The following NRXN3 variants were observed in gnomAD, a reference collection of about 807,000 sequenced individuals.
The protein encoded by NRXN3 is neurexin 3, also known as neurexin III.
In NRXN3, 32 loss-of-function variants were observed where a neutral mutation model predicts 137.6. The ratio of observed to expected loss-of-function variants is 0.23; its 90% confidence interval spans 0.18 to 0.31. The LOEUF is 0.31. Among genes scored for constraint, NRXN3 ranks in the 10% least tolerant of loss-of-function variants. NRXN3 has a pLI of 1.00. For missense variants in NRXN3, 1,574 were observed against 2,062.5 expected, an observed-to-expected ratio of 0.76 and a Z score of 4.59; for synonymous variants, 798 against 784.5, an observed-to-expected ratio of 1.02 and a Z score of -0.29.
chr14:78,725,304 A>T (rs1375237751), intron 8 of NRXN3, among the ~76,000 whole-genome samples: 3 of 152,218 alleles, frequency 2.0e-5, no homozygotes, highest in East Asian at 3.9e-4. Context: ...CACATTGTTT[A>T]TCTCCATCAG....
chr14:78,951,857 C>T (rs556740510), intron 10 of NRXN3, among the ~76,000 whole-genome samples: 34 of 152,112 alleles, frequency 2.2e-4, no homozygotes, highest in African/African-American at 7.7e-4. Flanking sequence ...CTATTAATAC[C>T]CTGGGAGGCT....
In NRXN3 at chr14:79,418,974, T is replaced by C. The variant is rs1010991565; in HGVS notation, c.3263-48247T>C. Among the ~76,000 whole-genome samples the C allele has an allele frequency of 3.3e-5, 5 of 152,124 alleles. No individual in the cohort carries two copies. The East Asian group carries it at 9.7e-4, about 29-fold the overall frequency. On this transcript the variant is annotated intron_variant, in intron 15 of 20. Coordinates refer to ENST00000335750, the MANE Select transcript of NRXN3 (RefSeq NM_001330195.2). The stretch of plus-strand genomic sequence containing the variant: ...CAAAAAAGAAACAAGAAGTATAAAG[T>C]CATTGAGAAGATTGTCTGCAGTAGG...
intron 15 of NRXN3, among the ~76,000 whole-genome samples, chr14:79,194,359 C>T (rs566284885): frequency 3.3e-5 from 5 of 152,306 alleles, no homozygotes; most frequent in African/African-American, 1.2e-4. Context: ...CTAAATTGTA[C>T]AGCTGACTGT....
intron 18 of NRXN3, among the ~76,000 whole-genome samples, chr14:79,692,632 T>A (rs2098720706): frequency 6.6e-6 from 1 of 152,040 alleles, no homozygotes; most frequent in African/African-American, 2.4e-5. Flanking sequence ...CCAAAAGGGC[T>A]TTTTAAACTT....
chr14:78,900,668 C>CT (rs967031795), intron 10 of NRXN3, among the ~76,000 whole-genome samples: 5 of 151,868 alleles, frequency 3.3e-5, no homozygotes, highest in African/African-American at 1.2e-4. Flanking sequence ...TACAGATGCC[C>CT]TTCACTTTAA....
intron 10 of NRXN3, among the ~76,000 whole-genome samples, chr14:78,864,565 A>G (rs2099081586): frequency 6.6e-6 from 1 of 152,182 alleles, no homozygotes; most frequent in African/African-American, 2.4e-5. Flanking sequence ...ACAAGTATAT[A>G]GGAGATAAAA....
At position 78,171,896 on chromosome 14, in the gene NRXN3, C is replaced by CT. The variant is rs144209355; in HGVS notation, c.-704+1232dup. On this transcript the variant is annotated intron_variant, in intron 1 of 20. Coordinates refer to ENST00000335750, the MANE Select transcript of NRXN3 (RefSeq NM_001330195.2). ...TCTTCTCTGATCTTTATTGTTAATACTTTTTTTTTTAATGCAAAGGTCAGA... is the reference window on the plus strand; with the variant it reads ...TCTTCTCTGATCTTTATTGTTAATACTTTTTTTTTTTAATGCAAAGGTCAGA... Among the ~76,000 whole-genome samples, 927 of 148,162 alleles carry CT rather than the reference C, an allele frequency of 6.3e-3. 5 individuals carry two copies. Among genetic ancestry groups the CT allele is most frequent in the Middle Eastern group, 0.029 (8 of 280 alleles).
rs77242130 is a variant in NRXN3 at position 78,275,332 on chromosome 14, T to C, written c.710-3313T>C. On this transcript the variant is annotated intron_variant, in intron 2 of 20. Coordinates refer to ENST00000335750, the MANE Select transcript of NRXN3 (RefSeq NM_001330195.2). ...CTATGATAGATGCTCGGCCAATAGG[T>C]ATTGAATGGTGAATAGATGATCTTC... Among the ~76,000 whole-genome samples the C allele has an allele frequency of 8.0e-3, 1,217 of 152,252 alleles. 11 individuals carry two copies. Among genetic ancestry groups the C allele is most frequent in the African/African-American group, 0.028 (1,148 of 41,542 alleles).
At chr14:78,711,975 T>C (rs1312303642) in intron 7 of NRXN3, among the ~76,000 whole-genome samples, 1 of 152,186 alleles carries the variant, frequency 6.6e-6, no homozygotes, top group Non-Finnish European at 1.5e-5. Flanking sequence ...CCTGATAATC[T>C]TGAAGAATAA....
At chr14:78,301,771 G>GC (rs2076899845) in intron 4 of NRXN3, among the ~76,000 whole-genome samples, 1 of 152,164 alleles carries the variant, frequency 6.6e-6, no homozygotes, top group African/African-American at 2.4e-5. Flanking sequence ...GATGGCTATC[G>GC]CTTATTTGAG....
chr14:78,616,284 A>G (rs1281357163), intron 4 of NRXN3, among the ~76,000 whole-genome samples: 1 of 152,174 alleles, frequency 6.6e-6, no homozygotes, highest in African/African-American at 2.4e-5. Context: ...ACTTCCTCTT[A>G]CACTGCTCTC....
At chr14:79,493,083 C>A (rs909206056) in intron 16 of NRXN3, among the ~76,000 whole-genome samples, 1 of 152,122 alleles carries the variant, frequency 6.6e-6, no homozygotes, top group Non-Finnish European at 1.5e-5. Context: ...CATGAGGAAT[C>A]GACATTAATT....
chr14:78,455,010 A>G (rs2110420), intron 4 of NRXN3, among the ~76,000 whole-genome samples: 41,331 of 152,138 alleles, frequency 0.27, 8,610 homozygotes, highest in African/African-American at 0.57. Flanking sequence ...CTTGGCCTTG[A>G]TGCTCACCCA....
chr14:79,218,317 T>C lies in NRXN3; in HGVS notation c.3262+230176T>C, dbSNP rs995196005. Among the ~76,000 whole-genome samples, 6 of 152,192 alleles carry C rather than the reference T, an allele frequency of 3.9e-5. No individual in the cohort carries two copies. In the South Asian group the frequency reaches 1.2e-3, roughly 32 times the overall value. On this transcript the variant is annotated intron_variant, in intron 15 of 20. Transcript: ENST00000335750. ...TGGCTCTGCTACCGTTTAATGACTTTAACAATCTTATTTCATCATGCCTCC... is the reference window on the plus strand; with the variant it reads ...TGGCTCTGCTACCGTTTAATGACTTCAACAATCTTATTTCATCATGCCTCC...
chr14:79,454,484 G>C (rs1352800350), intron 15 of NRXN3, among the ~76,000 whole-genome samples: 1 of 152,110 alleles, frequency 6.6e-6, no homozygotes, highest in Non-Finnish European at 1.5e-5. Context: ...CCAAAGTGCT[G>C]GGAATACAGG....
chr14:78,191,610 T>C (rs1169516541), intron 1 of NRXN3, among the ~76,000 whole-genome samples: 1 of 152,184 alleles, frequency 6.6e-6, no homozygotes, highest in African/African-American at 2.4e-5. Flanking sequence ...CCAGATAGAC[T>C]GGGAAAGCCT....
chr14:79,172,642 G>C (rs992627778), intron 15 of NRXN3, among the ~76,000 whole-genome samples: 4 of 152,132 alleles, frequency 2.6e-5, no homozygotes, highest in Admixed American at 6.5e-5. Context: ...GGTTTTGAGT[G>C]GTGACAATTT....
chr14:79,097,524 A>G (rs2050564032), intron 15 of NRXN3, among the ~76,000 whole-genome samples: 1 of 152,222 alleles, frequency 6.6e-6, no homozygotes. Flanking sequence ...TGAATTGACA[A>G]GAACAAAGTT....
intron 16 of NRXN3, among the ~76,000 whole-genome samples, chr14:79,585,593 G>T (rs1228491807): frequency 6.7e-6 from 1 of 148,980 alleles, no homozygotes; most frequent in East Asian, 2.1e-4. Flanking sequence ...GCTGAGGCAG[G>T]AGAATCGCCT....
Sources: gnomAD v4.1 joint callset for allele counts (sites outside exome capture counted in the v4.1 genomes callset) on GRCh38, gnomAD v4.1.1 for gene constraint, MANE v1.5 for transcripts, NCBI Gene and HGNC (gene_info 2026-07-23, HGNC 2026-07-21) for gene names.